The following ATRX variants were observed in gnomAD, a reference collection of about 807,000 sequenced individuals.
The protein encoded by ATRX is chromatin remodeler ATRX.
A neutral mutation model predicts 172.6 loss-of-function variants in ATRX; 12 were observed. That is an observed-to-expected ratio of 0.07 (90% CI 0.04 to 0.11). The LOEUF is 0.11. Among genes scored for constraint, ATRX ranks in the 10% least tolerant of loss-of-function variants. The pLI is 1.00. For missense variants in ATRX, 1,368 were observed against 1,767.4 expected (o/e 0.77, Z 4.05); for synonymous variants, 674 against 594.7 (o/e 1.13, Z -1.94).
intron 1 of ATRX, among the ~76,000 whole-genome samples, chrX:77,740,012 C>T (rs1180247740): frequency 2.1e-5 from 2 of 94,618 alleles, no homozygotes; most frequent in African/African-American, 7.8e-5. Context: ...GAGATTGCGC[C>T]ACTGCACTCC....
intron 30 of ATRX, among the ~76,000 whole-genome samples, chrX:77,547,083 TA>T (rs1351526717): frequency 1.3e-4 from 14 of 110,189 alleles, no homozygotes; most frequent in Non-Finnish European, 1.1e-4. Context: ...GCCTATAAAG[TA>T]AAAAAGCTTA....
intron 30 of ATRX, among the ~76,000 whole-genome samples, chrX:77,544,650 G>A (rs1295909110): frequency 9.6e-6 from 1 of 103,781 alleles, no homozygotes; most frequent in Non-Finnish European, 1.9e-5. Flanking sequence ...TTCCACCTAT[G>A]AGTGAGAATA....
At chrX:77,669,165 A>G in intron 10 of ATRX, among the ~76,000 whole-genome samples, 1 of 111,963 alleles carries the variant, frequency 8.9e-6, no homozygotes, top group Middle Eastern at 4.6e-3. Flanking sequence ...TCAGCCAAAG[A>G]AACAAAGCTA....
At chrX:77,628,326 A>G (rs782076998) in intron 19 of ATRX, among the ~76,000 whole-genome samples, 1 of 113,052 alleles carries the variant, frequency 8.8e-6, no homozygotes, top group Non-Finnish European at 1.9e-5. Flanking sequence ...AGTAATGTGA[A>G]TTAGAAAACT....
chrX:77,766,826 G>A (rs1442740135), intron 1 of ATRX, among the ~76,000 whole-genome samples: 17 of 111,614 alleles, frequency 1.5e-4, no homozygotes, highest in African/African-American at 2.3e-4. Context: ...GGTGGCGGCC[G>A]GGCAGAGGCT....
intron 27 of ATRX, among the ~76,000 whole-genome samples, chrX:77,582,207 C>G (rs781933481): frequency 1.9e-4 from 21 of 109,865 alleles, no homozygotes; most frequent in Non-Finnish European, 1.9e-5. Flanking sequence ...TGAGACCAGC[C>G]TGGCCAACAC....
chrX:77,668,715 C>T (rs1189632640), intron 10 of ATRX, among the ~76,000 whole-genome samples: 5 of 110,300 alleles, frequency 4.5e-5, no homozygotes, highest in African/African-American at 1.7e-4. Context: ...ACCCCAAAAC[C>T]CACATATACT....
intron 25 of ATRX, chrX:77,596,648 T>C (rs1426051607): frequency 9.9e-5 from 11 of 111,224 alleles, no homozygotes; most frequent in Admixed American, 8.7e-4. Flanking sequence ...GCTCACAACA[T>C]GTAGCCTCCT....
In ATRX at chrX:77,682,725, G is replaced by C. The variant is rs139131007; in HGVS notation, c.2531C>G (p.Thr844Arg). The stretch of plus-strand genomic sequence containing the variant: ...ATCTTCAGAAGAGTCAAAATCTTTT[G>C]TATTTGGAATTCTTTTTTTGGTGGT... ...ARTTKKRIPN[T>R]KDFDSSEDEK... is the part of the protein sequence containing the mutation. The change falls in exon 9 of 35, where the codon ACA becomes AGA. Residue 844 changes from threonine (T) to arginine (R), a missense_variant. By Grantham distance (71) the Thr-to-Arg change is moderately conservative. This residue lies in a region of ATRX where 843 missense variants were observed against 643.1 expected (regional missense o/e 1.31). Coordinates refer to ENST00000373344, the MANE Select transcript of ATRX (RefSeq NM_000489.6). 1 of 1,209,241 alleles carries C rather than the reference G, an allele frequency of 8.3e-7. No homozygotes were observed. The highest frequency in any genetic ancestry group is 1.1e-6 in the Non-Finnish European group (1 of 894,902).
chrX:77,538,230 AACACAC>A (rs34675782), intron 30 of ATRX, among the ~76,000 whole-genome samples: 170 of 95,977 alleles, frequency 1.8e-3, no homozygotes, highest in African/African-American at 4.3e-3. Context: ...TACACACACA[AACACAC>A]ACACACACAC....
chrX:77,654,377 T>C (rs2069434292), intron 13 of ATRX, among the ~76,000 whole-genome samples, 177 bp from the exon 14 acceptor site: 1 of 111,635 alleles, frequency 9.0e-6, no homozygotes, highest in Non-Finnish European at 1.9e-5. Flanking sequence ...TTTAATCCAA[T>C]GATCAACATT....
intron 1 of ATRX, among the ~76,000 whole-genome samples, chrX:77,772,983 G>C (rs2076213142): frequency 1.0e-5 from 1 of 100,252 alleles, no homozygotes; most frequent in African/African-American, 3.7e-5. Flanking sequence ...AAGTATTTAG[G>C]ACTACAGTTG....
intron 1 of ATRX, among the ~76,000 whole-genome samples, chrX:77,764,607 A>G (rs2075842052): frequency 8.9e-6 from 1 of 112,462 alleles, no homozygotes; most frequent in Admixed American, 9.5e-5. Flanking sequence ...TTTCATGTAG[A>G]AGGAGTAGAG....
rs951634317 is a variant in ATRX at position 77,684,020 on chromosome X, G to C, written c.1236C>G (p.Asp412Glu). The C allele has an allele frequency of 2.2e-5, 27 of 1,204,103 alleles. No individual in the cohort carries two copies. Among genetic ancestry groups the C allele is most frequent in the Non-Finnish European group, 2.8e-5 (25 of 889,732 alleles). Reference protein sequence around the residue: ...IKKAHLALEEDLNSEFRAMDA... With the variant: ...IKKAHLALEEELNSEFRAMDA... ...CCATCGCTCGAAACTCGGAATTTAAGTCTTCTTCCAATGCAAGATGAGCCT... is the reference window on the plus strand; with the variant it reads ...CCATCGCTCGAAACTCGGAATTTAACTCTTCTTCCAATGCAAGATGAGCCT... The change falls in exon 9 of 35, where the codon GAC becomes GAG. Residue 412 changes from aspartate (D) to glutamate (E), a missense_variant. This residue lies in a region of ATRX where 843 missense variants were observed against 643.1 expected (regional missense o/e 1.31). Transcript: ENST00000373344.
intron 10 of ATRX, among the ~76,000 whole-genome samples, chrX:77,673,665 C>T (rs1179498716): frequency 1.8e-5 from 2 of 110,720 alleles, no homozygotes; most frequent in Non-Finnish European, 3.8e-5. Flanking sequence ...GAAATGTATT[C>T]ACATTTACTA....
intron 30 of ATRX, among the ~76,000 whole-genome samples, chrX:77,549,985 G>A (rs782643304): frequency 1.9e-4 from 21 of 110,271 alleles, no homozygotes; most frequent in African/African-American, 6.0e-4. Flanking sequence ...GAAATGAAAT[G>A]AAATAAAATA....
In ATRX at chrX:77,766,275, G is replaced by A. The variant is rs782690147; in HGVS notation, c.20+19707C>T. On this transcript the variant is annotated intron_variant, in intron 1 of 34. Transcript: ENST00000373344. Reference sequence around the variant, plus strand: ...TTCCCAGCAGGGGCGGCCGGGCAGAGGCGCCCCTCACCTCCCCGACGGGGC... The same window carrying A: ...TTCCCAGCAGGGGCGGCCGGGCAGAAGCGCCCCTCACCTCCCCGACGGGGC... Among the ~76,000 whole-genome samples the A allele has an allele frequency of 1.3e-3, 140 of 110,633 alleles. 1 individual carries two copies. The highest frequency in any genetic ancestry group is 4.5e-3 in the African/African-American group (135 of 30,185).
intron 1 of ATRX, among the ~76,000 whole-genome samples, chrX:77,783,562 T>C (rs1314426933): frequency 8.9e-6 from 1 of 112,122 alleles, no homozygotes; most frequent in African/African-American, 3.2e-5. Context: ...CTAGTCTTTG[T>C]TCCTGCTTTT....
chrX:77,748,356 G>A (rs782315087), intron 1 of ATRX, among the ~76,000 whole-genome samples: 3 of 110,971 alleles, frequency 2.7e-5, no homozygotes, highest in Non-Finnish European at 5.7e-5. Flanking sequence ...TGGAAAGATA[G>A]GTTAGGCATC....
Sources: allele counts gnomAD v4.1 joint callset (sites outside exome capture counted in the v4.1 genomes callset), GRCh38; gene constraint gnomAD v4.1.1; regional missense constraint gnomAD v4.1.1; transcripts MANE v1.5; gene names NCBI Gene and HGNC (gene_info 2026-07-23, HGNC 2026-07-21).